The following PHACTR1 variants were observed in gnomAD, a reference collection of about 807,000 sequenced individuals.
PHACTR1 encodes RPEL repeat containing 1.
In PHACTR1, 16 loss-of-function variants were observed where a neutral mutation model predicts 69.2. The observed-to-expected ratio is 0.23, with a 90% CI of 0.16 to 0.35. The LOEUF is 0.35. Among genes scored for constraint, PHACTR1 ranks in the 10% least tolerant of loss-of-function variants. The pLI is 1.00. For synonymous variants in PHACTR1, 312 were observed against 284.5 expected (o/e 1.10, Z -0.97); for missense variants, 510 against 734.7 (o/e 0.69, Z 3.54).
chr6:12,740,599 T>C (rs1052214269), intron 3 of PHACTR1, among the ~76,000 whole-genome samples: 1 of 152,206 alleles, frequency 6.6e-6, no homozygotes, highest in African/African-American at 2.4e-5. Context: ...AGCTATCTTT[T>C]TGTTGCTGTT....
intron 6 of PHACTR1, among the ~76,000 whole-genome samples, chr6:13,176,024 A>C (rs1761271764): frequency 1.3e-5 from 2 of 152,086 alleles, no homozygotes; most frequent in African/African-American, 2.4e-5. Flanking sequence ...ATACCCCAGC[A>C]ATGAAGCAGC....
At chr6:12,726,441 TA>T (rs1762808422) in intron 3 of PHACTR1, among the ~76,000 whole-genome samples, 1 of 152,240 alleles carries the variant, frequency 6.6e-6, no homozygotes, top group Non-Finnish European at 1.5e-5. Context: ...CTTAGATGTT[TA>T]CTGTCCTGTT....
At chr6:13,034,078 G>A (rs112284430) in intron 4 of PHACTR1, among the ~76,000 whole-genome samples, 5,214 of 151,714 alleles carry the variant, frequency 0.034, 306 homozygotes, top group African/African-American at 0.12. Flanking sequence ...GTGCAGTGGC[G>A]CGATCTCGGC....
chr6:13,283,687 T>C lies in PHACTR1; in HGVS notation c.1650+125T>C, dbSNP rs775473684. The C allele has an allele frequency of 9.1e-6, 13 of 1,422,214 alleles. 1 individual carries two copies. In the East Asian group the frequency reaches 3.0e-4, roughly 33 times the overall value. The allele number at this position is 1,422,214 out of a possible 1,614,324, so 88.1% of individuals were successfully genotyped here. Reference sequence around the variant, plus strand: ...CTCAGCCGCAGTCCCCATAATGGAGTGTTGAGACCCCAACACCTTTCCCCA... The same window carrying C: ...CTCAGCCGCAGTCCCCATAATGGAGCGTTGAGACCCCAACACCTTTCCCCA... On this transcript the variant is annotated intron_variant, in intron 13 of 14. Transcript: ENST00000332995. This position sits in a 1 kb window ranked among gnomAD's most constrained non-coding sequence, Gnocchi z 4.7.
intron 5 of PHACTR1, among the ~76,000 whole-genome samples, chr6:13,059,458 T>TCTCACACACACA (rs1491194342): frequency 7.1e-4 from 105 of 148,244 alleles, no homozygotes; most frequent in African/African-American, 2.6e-3. Context: ...AATGTTCTTA[T>TCTCACACACACA]CACACACACA....
At chr6:13,247,955 C>T (rs1013978873) in intron 10 of PHACTR1, among the ~76,000 whole-genome samples, 2 of 152,228 alleles carry the variant, frequency 1.3e-5, no homozygotes, top group East Asian at 3.9e-4. Flanking sequence ...CCTGCCCATT[C>T]TACCCAAAGA....
intron 5 of PHACTR1, among the ~76,000 whole-genome samples, chr6:13,064,467 TAAG>T (rs1421645702): frequency 6.8e-6 from 1 of 146,208 alleles, no homozygotes; most frequent in East Asian, 2.1e-4. Context: ...GCAGATATAA[TAAG>T]CAAATGATAT....
chr6:12,820,251 G>A (rs1181073679), intron 4 of PHACTR1, among the ~76,000 whole-genome samples: 1 of 151,898 alleles, frequency 6.6e-6, no homozygotes, highest in Non-Finnish European at 1.5e-5. Context: ...GTGGGATCTC[G>A]GTTCACTGCA....
chr6:12,954,924 C>T (rs1791700379), intron 4 of PHACTR1, among the ~76,000 whole-genome samples: 1 of 152,214 alleles, frequency 6.6e-6, no homozygotes, highest in Admixed American at 6.5e-5. Context: ...GTGATAACCA[C>T]TAACCACATG....
rs1803749028 is a variant in PHACTR1, at chr6:13,038,867, G to A, written c.251-14498G>A. 2.0e-5 allele frequency among the ~76,000 whole-genome samples: 3 copies of A among 152,160 alleles called. No individual in the cohort carries two copies. In the South Asian group the frequency reaches 6.2e-4, roughly 31 times the overall value. ...CCATTATTACTATGAAGTGGCCCTTGTCCTCACAGTGCCTGCCATGTTCCA... is the reference window on the plus strand; with the variant it reads ...CCATTATTACTATGAAGTGGCCCTTATCCTCACAGTGCCTGCCATGTTCCA... On this transcript the variant is annotated intron_variant, in intron 4 of 14. Transcript: ENST00000332995.
At chr6:13,162,856 C>T (rs1759240563) in intron 6 of PHACTR1, among the ~76,000 whole-genome samples, 1 of 152,124 alleles carries the variant, frequency 6.6e-6, no homozygotes, top group South Asian at 2.1e-4. Flanking sequence ...TCCTCACCAA[C>T]AGTTAGGAGT....
intron 5 of PHACTR1, among the ~76,000 whole-genome samples, chr6:13,151,498 A>G (rs536883691): frequency 1.1e-4 from 16 of 152,378 alleles, no homozygotes; most frequent in African/African-American, 3.6e-4. Context: ...ACATGTTTAC[A>G]TGAGTGCCTG....
intron 4 of PHACTR1, among the ~76,000 whole-genome samples, chr6:12,991,488 C>G (rs1299817160): frequency 6.6e-6 from 1 of 152,200 alleles, no homozygotes; most frequent in Non-Finnish European, 1.5e-5. Context: ...GCCGGCAATA[C>G]AGAAAAGTGG....
chr6:13,131,194 TATA>T (rs1820375771), intron 5 of PHACTR1, among the ~76,000 whole-genome samples: 1 of 29,164 alleles, frequency 3.4e-5, no homozygotes, highest in Non-Finnish European at 1.2e-4. Flanking sequence ...CACACACACA[TATA>T]TATATACACA....
chr6:12,803,984 C>T (rs537872915), intron 4 of PHACTR1, among the ~76,000 whole-genome samples: 7 of 152,240 alleles, frequency 4.6e-5, no homozygotes, highest in Admixed American at 2.6e-4. Flanking sequence ...AATTGGTCCT[C>T]GGCAAAGGGC....
chr6:12,797,586 C>T (rs1773196038), intron 4 of PHACTR1, among the ~76,000 whole-genome samples: 1 of 152,088 alleles, frequency 6.6e-6, no homozygotes, highest in Non-Finnish European at 1.5e-5. Flanking sequence ...GAGGAGGTAG[C>T]CAGTACAGTG....
At chr6:13,125,720 G>T (rs148677967) in intron 5 of PHACTR1, among the ~76,000 whole-genome samples, 44 of 152,246 alleles carry the variant, frequency 2.9e-4, no homozygotes, top group Non-Finnish European at 5.3e-4. Flanking sequence ...CTTGAGCCCA[G>T]GAGTTTGAGA....
At chr6:13,121,454 A>T (rs1818719010) in intron 5 of PHACTR1, among the ~76,000 whole-genome samples, 1 of 152,214 alleles carries the variant, frequency 6.6e-6, no homozygotes, top group South Asian at 2.1e-4. Flanking sequence ...GACCATATAT[A>T]CTAATTATAT....
At chr6:13,159,567 C>T (rs1019147233) in intron 5 of PHACTR1, among the ~76,000 whole-genome samples, 2 of 152,190 alleles carry the variant, frequency 1.3e-5, no homozygotes, top group Admixed American at 6.5e-5. Context: ...TTCCTTTACT[C>T]AATAGCGATG....
Sources: gnomAD v4.1 joint callset for allele counts (sites outside exome capture counted in the v4.1 genomes callset) on GRCh38, gnomAD v4.1.1 for gene constraint, Gnocchi (gnomAD v3.1) non-coding constraint, MANE v1.5 for transcripts, NCBI Gene and HGNC (gene_info 2026-07-23, HGNC 2026-07-21) for gene names.